The following MFSD8 variants were observed in gnomAD, a reference collection of about 807,000 sequenced individuals.
MFSD8 encodes the protein major facilitator superfamily domain containing 8.
A neutral mutation model predicts 66.4 loss-of-function variants in MFSD8; 55 were observed. That is an observed-to-expected ratio of 0.83 (90% CI 0.67 to 1.04). MFSD8 has a LOEUF of 1.04. Among genes scored for constraint, MFSD8 ranks in the 50% least tolerant of loss-of-function variants. MFSD8 has a pLI of 0.00. For synonymous variants in MFSD8, 202 were observed against 212.8 expected, an observed-to-expected ratio of 0.95 and a Z score of 0.44; for missense variants, 550 against 627.6, an observed-to-expected ratio of 0.88 and a Z score of 1.32.
chr4:127,945,618 GCCTGGTAATTC>G, intron 3 of MFSD8: 1 of 152,178 alleles, frequency 6.6e-6, no homozygotes, highest in East Asian at 1.9e-4. Context: ...GAGCCACCGT[GCCTGGTAATTC>G]CCTAAAGATA....
chr4:127,945,557 C>CTGA (rs1303557470), intron 3 of MFSD8: 4 of 152,148 alleles, frequency 2.6e-5, no homozygotes, highest in Non-Finnish European at 5.9e-5. Context: ...AACTCCTGAC[C>CTGA]TCAGGTGAGC....
chr4:127,944,665 T>A (rs1024429765), intron 3 of MFSD8, among the ~76,000 whole-genome samples: 2 of 151,718 alleles, frequency 1.3e-5, no homozygotes, highest in Admixed American at 1.3e-4. Flanking sequence ...TATTTTTATT[T>A]TTATTTTTTT....
chr4:127,965,255 C>T (rs548234759), upstream of MFSD8: 21 of 1,295,748 alleles, frequency 1.6e-5, no homozygotes, highest in Non-Finnish European at 2.2e-5. Context: ...GACGGTCAGA[C>T]GTAGGCGGAA....
chr4:127,929,322 CAAAAAAAAAAAA>C (rs543453360), intron 9 of MFSD8, among the ~76,000 whole-genome samples: 16 of 30,364 alleles, frequency 5.3e-4, no homozygotes, highest in Admixed American at 1.5e-3. Flanking sequence ...GACTCCGTCA[CAAAAAAAAAAAA>C]AAAAAAAAAA....
chr4:127,959,395 A>AT (rs1418372529), intron 1 of MFSD8, among the ~76,000 whole-genome samples: 1 of 152,080 alleles, frequency 6.6e-6, no homozygotes, highest in Non-Finnish European at 1.5e-5. Context: ...GGTTTTTTTT[A>AT]TTTTTGTTTT....
At chr4:127,950,827 G>A (rs1325145483) in intron 2 of MFSD8, among the ~76,000 whole-genome samples, 1 of 152,012 alleles carries the variant, frequency 6.6e-6, no homozygotes, top group Non-Finnish European at 1.5e-5. Context: ...GAAGGCCGAG[G>A]TGGGTGAATC....
At chr4:127,957,857 C>T (rs1031069998) in intron 1 of MFSD8, among the ~76,000 whole-genome samples, 3 of 152,078 alleles carry the variant, frequency 2.0e-5, no homozygotes, top group Non-Finnish European at 4.4e-5. Context: ...TATTTTGCTA[C>T]CATTGACATG....
chr4:127,943,680 A>T, intron 4 of MFSD8, 72 bp downstream of exon 4: 1 of 1,565,316 alleles, frequency 6.4e-7, no homozygotes, highest in Non-Finnish European at 8.8e-7. Context: ...GGATGAGACC[A>T]GTTAAAAGTG....
At chr4:127,929,864 T>C (rs1314644529) in intron 9 of MFSD8, among the ~76,000 whole-genome samples, 2 of 152,188 alleles carry the variant, frequency 1.3e-5, no homozygotes, top group East Asian at 3.9e-4. Context: ...ATCCCAATTA[T>C]CTTGATTTGA....
intron 1 of MFSD8, among the ~76,000 whole-genome samples, chr4:127,959,879 A>G (rs72616973): frequency 0.03 from 4,609 of 152,304 alleles, 302 homozygotes; most frequent in East Asian, 0.27. Context: ...TCAAGTGACC[A>G]TATTTATTAC....
rs150402245 is a variant in MFSD8, at chr4:127,958,133, A to C, written c.63-541T>G. ...CATTTTCAGCCCTGGGACCTCCTAA[A>C]TGGGTTACCAGATAAATTTTATCAG... On this transcript the variant is annotated intron_variant, in intron 1 of 11. Transcript: ENST00000641686. 4.0e-3 allele frequency among the ~76,000 whole-genome samples: 612 copies of C among 152,272 alleles called. 3 individuals carry two copies. Among genetic ancestry groups the C allele is most frequent in the African/African-American group, 0.014 (587 of 41,552 alleles).
chr4:127,943,613 AT>A, intron 4 of MFSD8, 138 bp downstream of exon 4: 3 of 1,033,498 alleles, frequency 2.9e-6, no homozygotes. Context: ...GATAAGAAAA[AT>A]ATTTGTTTAC....
At chr4:127,942,879 TA>T (rs1248646089) in intron 4 of MFSD8, among the ~76,000 whole-genome samples, 1 of 152,170 alleles carries the variant, frequency 6.6e-6, no homozygotes, top group African/African-American at 2.4e-5. Flanking sequence ...GAGACTCTGT[TA>T]GGGGGCATAG....
rs890403900 is a variant in MFSD8, at chr4:127,960,758, T to C, written c.63-3166A>G. On this transcript the variant is annotated intron_variant, in intron 1 of 11. Coordinates refer to ENST00000641686, the MANE Select transcript of MFSD8 (RefSeq NM_001371596.2). Reference sequence around the variant, plus strand: ...AGTAACGTGAGCTACAAACGGTTTTTACAGATGAATATTTATCAGTTTGAT... The same window carrying C: ...AGTAACGTGAGCTACAAACGGTTTTCACAGATGAATATTTATCAGTTTGAT... Among the ~76,000 whole-genome samples the C allele has an allele frequency of 1.4e-4, 21 of 152,186 alleles. 1 individual carries two copies. The highest frequency in any genetic ancestry group is 3.1e-4 in the Non-Finnish European group (21 of 68,028).
chr4:127,943,997 A>T lies in MFSD8; in HGVS notation c.199-5T>A. ...TGTATCAGCTGTCGGATCAATCTGC[A>T]GAAAAAGGTACAGTGCTTTAAGAAT... On this transcript the variant is annotated splice_region_variant and splice_polypyrimidine_tract_variant and intron_variant, in intron 3 of 11. Coordinates refer to ENST00000641686, the MANE Select transcript of MFSD8 (RefSeq NM_001371596.2). 6.2e-7 allele frequency: 1 copy of T among 1,614,204 alleles called. No individual in the cohort carries two copies. The highest frequency in any genetic ancestry group is 1.1e-5 in the South Asian group (1 of 91,090).
At chr4:127,924,393 C>A (rs1425428307) in intron 9 of MFSD8, among the ~76,000 whole-genome samples, 1 of 152,076 alleles carries the variant, frequency 6.6e-6, no homozygotes, top group African/African-American at 2.4e-5. Context: ...TCAGCAAAGT[C>A]TCAGGATAAA....
At chr4:127,935,126 C>G (rs1371859040) in intron 7 of MFSD8, among the ~76,000 whole-genome samples, 2 of 152,272 alleles carry the variant, frequency 1.3e-5, no homozygotes, top group Non-Finnish European at 2.9e-5. Flanking sequence ...AGCCTTATGA[C>G]CTTCCTTTGT....
chr4:127,933,787 A>T (rs1424987795), intron 7 of MFSD8: 1 of 152,208 alleles, frequency 6.6e-6, no homozygotes, highest in African/African-American at 2.4e-5. Context: ...CCTTACTTAA[A>T]TCTTAGACTT....
chr4:127,923,552 T>TTTATTTATTATTATTATTA (rs1322039631), intron 9 of MFSD8, among the ~76,000 whole-genome samples: 1 of 130,578 alleles, frequency 7.7e-6, no homozygotes, highest in African/African-American at 2.9e-5. Context: ...TTTATTTTTA[T>TTTATTTATTATTATTATTA]TTATTATTAT....
Sources: gnomAD v4.1 joint callset for allele counts (sites outside exome capture counted in the v4.1 genomes callset) on GRCh38, gnomAD v4.1.1 for gene constraint, MANE v1.5 for transcripts, NCBI Gene and HGNC (gene_info 2026-07-23, HGNC 2026-07-21) for gene names.